Variants in ANXA4 observed in about 807,000 individuals in gnomAD.
ANXA4 encodes the protein 35-beta calcimedin.
A neutral mutation model predicts 49.8 loss-of-function variants in ANXA4; 39 were observed. The ratio of observed to expected loss-of-function variants is 0.78; its 90% CI spans 0.61 to 1.02. The LOEUF (loss-of-function observed/expected upper bound fraction) is 1.02, where lower values mean the gene tolerates loss of function less well. ANXA4 is among the 50% of genes least tolerant of loss of function. The pLI, the probability that ANXA4 is intolerant of heterozygous loss-of-function variation, is 0.00. For missense variants in ANXA4, 360 were observed against 410.1 expected, an observed-to-expected ratio of 0.88 and a Z score of 1.05; for synonymous variants, 134 against 152.5, an observed-to-expected ratio of 0.88 and a Z score of 0.89.
rs1023605794 is a variant in ANXA4, at chr2:69,826,867, C to G, written c.*1352C>G. ...CACCTTCTGAGGTTTTTCATCTTGG[C>G]CCCTGAAAGGAGCTATTTTTGAAGG... On this transcript the variant is annotated 3_prime_UTR_variant, in exon 13 of 13. Transcript: ENST00000394295. 6.6e-6 allele frequency: 1 copy of G among 151,418 alleles called. No individual in the cohort carries two copies. Among genetic ancestry groups the G allele is most frequent in the Non-Finnish European group, 1.5e-5 (1 of 67,936 alleles). The allele number at this position is 151,418 out of a possible 1,614,324, so 9.4% of individuals were successfully genotyped here. A position where few individuals can be genotyped will look rare whatever the true frequency, so the allele number is the denominator to read the frequency against.
chr2:69,740,526 T>A (rs1305431474), upstream of ANXA4, among the ~76,000 whole-genome samples: 1 of 152,096 alleles, frequency 6.6e-6, no homozygotes, highest in Non-Finnish European at 1.5e-5. Context: ...CAGTCATAGC[T>A]CACAGCAACA....
At chr2:69,684,086 A>G (rs546069897) in intron 2 of ANXA4, among the ~76,000 whole-genome samples, 2 of 152,340 alleles carry the variant, frequency 1.3e-5, no homozygotes, top group South Asian at 4.1e-4. Context: ...GATCTCCTTG[A>G]TTGTGATTTG....
intron 2 of ANXA4, among the ~76,000 whole-genome samples, chr2:69,702,086 A>C (rs1421576043): frequency 6.6e-6 from 1 of 152,100 alleles, no homozygotes; most frequent in East Asian, 1.9e-4. Flanking sequence ...ATCTCAGCTC[A>C]CTACAACCTC....
At chr2:69,664,576 G>C (rs62133967) in intron 2 of ANXA4, among the ~76,000 whole-genome samples, 31,261 of 152,174 alleles carry the variant, frequency 0.21, 3,887 homozygotes, top group South Asian at 0.29. Context: ...GCATAGAATA[G>C]GTGTCAGTAA....
At chr2:69,648,879 C>CTTTTTTTTTTTTTTT (rs201603508) in intron 1 of ANXA4, among the ~76,000 whole-genome samples, 1 of 113,486 alleles carries the variant, frequency 8.8e-6, no homozygotes, top group Admixed American at 1.1e-4. Context: ...AATTTTCTTT[C>CTTTTTTTTTTTTTTT]TTTCTTTTCT....
intron 12 of ANXA4, among the ~76,000 whole-genome samples, chr2:69,822,286 G>C (rs1674277496): frequency 6.6e-6 from 1 of 152,002 alleles, no homozygotes; most frequent in Non-Finnish European, 1.5e-5. Flanking sequence ...ACCTGAGGCT[G>C]GGGAGGTCGA....
At chr2:69,749,856 G>A (rs1266298101) in intron 1 of ANXA4, among the ~76,000 whole-genome samples, 1 of 151,854 alleles carries the variant, frequency 6.6e-6, no homozygotes, top group Non-Finnish European at 1.5e-5. Flanking sequence ...ACACAGGACG[G>A]AGGTTGCAGT....
intron 3 of ANXA4, among the ~76,000 whole-genome samples, chr2:69,724,777 G>GGGGCAAGAAAGATT (rs1669915078): frequency 1.2e-5 from 1 of 83,086 alleles, no homozygotes; most frequent in Non-Finnish European, 2.4e-5. Flanking sequence ...CAAGAAAGAT[G>GGGGCAAGAAAGATT]AACTCATTCG....
chr2:69,711,272 A>G (rs145707166), intron 2 of ANXA4, among the ~76,000 whole-genome samples: 6 of 152,288 alleles, frequency 3.9e-5, no homozygotes, highest in East Asian at 1.9e-4. Context: ...AGAGGTTGCA[A>G]TGAGCCGAGA....
chr2:69,701,900 CTTAATAAA>C (rs1488651347), intron 2 of ANXA4, among the ~76,000 whole-genome samples: 1 of 152,018 alleles, frequency 6.6e-6, no homozygotes, highest in East Asian at 1.9e-4. Flanking sequence ...TGTATGCGTT[CTTAATAAA>C]TTAAGAAATT....
chr2:69,750,025 G>C (rs1017246308), intron 1 of ANXA4, among the ~76,000 whole-genome samples: 15 of 152,200 alleles, frequency 9.9e-5, no homozygotes, highest in Admixed American at 6.5e-4. Context: ...AAGAGTGGTT[G>C]CCTGGGGAGG....
intron 2 of ANXA4, among the ~76,000 whole-genome samples, chr2:69,695,985 C>T (rs1402937713): frequency 6.6e-6 from 1 of 152,144 alleles, no homozygotes; most frequent in African/African-American, 2.4e-5. Flanking sequence ...CTCATCTCAA[C>T]ACTGGTGACT....
At chr2:69,693,046 G>T (rs1678026131) in intron 2 of ANXA4, among the ~76,000 whole-genome samples, 1 of 152,068 alleles carries the variant, frequency 6.6e-6, no homozygotes, top group African/African-American at 2.4e-5. Flanking sequence ...GGAAACACTG[G>T]GTTATATTAG....
At chr2:69,727,068 C>T (rs1190325771) in intron 3 of ANXA4, among the ~76,000 whole-genome samples, 2 of 152,072 alleles carry the variant, frequency 1.3e-5, no homozygotes, top group Non-Finnish European at 2.9e-5. Context: ...GACACTGGCT[C>T]TCCCTATGTT....
chr2:69,656,277 G>GTA (rs1306210204), intron 2 of ANXA4, among the ~76,000 whole-genome samples: 7 of 117,336 alleles, frequency 6.0e-5, no homozygotes, highest in South Asian at 5.5e-4. Flanking sequence ...ATGTATATAC[G>GTA]TATATATATA....
At chr2:69,734,985 A>G (rs1268307644) in intron 3 of ANXA4, among the ~76,000 whole-genome samples, 3 of 152,152 alleles carry the variant, frequency 2.0e-5, no homozygotes, top group East Asian at 3.9e-4. Context: ...GCCAAATGAG[A>G]GACAACATCC....
chr2:69,719,248 C>G (rs949798559), intron 2 of ANXA4, among the ~76,000 whole-genome samples: 4 of 137,634 alleles, frequency 2.9e-5, no homozygotes, highest in African/African-American at 1.1e-4. Context: ...TAACCATTGA[C>G]TATTTTCCAG....
chr2:69,790,913 A>G (rs1672663497), intron 3 of ANXA4, among the ~76,000 whole-genome samples: 1 of 152,204 alleles, frequency 6.6e-6, no homozygotes. Context: ...TCTAGTCCTC[A>G]TTTTTGTTAA....
At chr2:69,785,551 T>TTGATGA (rs10689485) in intron 2 of ANXA4, among the ~76,000 whole-genome samples, 2,491 of 150,856 alleles carry the variant, frequency 0.017, 75 homozygotes, top group African/African-American at 0.055. Flanking sequence ...GAAGTTCTCT[T>TTGATGA]TGATGATGAT....
Sources: allele counts gnomAD v4.1 joint callset (sites outside exome capture counted in the v4.1 genomes callset), GRCh38; gene constraint gnomAD v4.1.1; transcripts MANE v1.5; gene names NCBI Gene and HGNC (gene_info 2026-07-23, HGNC 2026-07-21).